The following BPIFB1 variants were observed in gnomAD, a reference collection of about 807,000 sequenced individuals.
BPIFB1 encodes BPI fold-containing family B member 1.
BPIFB1 carries 34 observed loss-of-function variants against 55.1 expected under a neutral mutation model. The ratio of observed to expected loss-of-function variants is 0.62; its 90% CI spans 0.47 to 0.82. The LOEUF (loss-of-function observed/expected upper bound fraction) is 0.82. BPIFB1 is among the 40% of genes least tolerant of loss of function. The probability of loss-of-function intolerance (pLI) is 0.00; values close to 1 mark genes in which losing one functional copy is unlikely to be tolerated. For missense variants in BPIFB1, 532 were observed against 593.1 expected, an observed-to-expected ratio of 0.90 and a Z score of 1.07; for synonymous variants, 236 against 245.3, an observed-to-expected ratio of 0.96 and a Z score of 0.35.
At position 33,286,188 on chromosome 20, in the gene BPIFB1, A is replaced by G. The variant is rs140181326; in HGVS notation, c.115A>G (p.Lys39Glu). 1.1e-4 allele frequency: 182 copies of G among 1,614,140 alleles called. No individual in the cohort carries two copies. The African/African-American group carries it at 2.3e-3, about 20-fold the overall frequency. The change falls in exon 2 of 16, where the codon AAG becomes GAG. Residue 39 changes from lysine to glutamate, a missense_variant and splice_region_variant. Lys to Glu is a moderately conservative substitution (Grantham distance 56, BLOSUM62 1). Coordinates refer to ENST00000253354, the MANE Select transcript of BPIFB1 (RefSeq NM_033197.3). The part of the protein sequence containing the change: ...LILGPKVIKE[K>E]LTQELKDHNA... ...CCTCGGCCCAAAAGTCATCAAAGAA[A>G]GTAAGTTTTGTCCCTCCGGAGCTGG...
intron 11 of BPIFB1, among the ~76,000 whole-genome samples, 196 bp from the exon 12 acceptor site, chr20:33,303,762 T>C (rs182933984): frequency 1.7e-4 from 26 of 152,296 alleles, no homozygotes; most frequent in Admixed American, 1.4e-3. Context: ...TAGACTGTCA[T>C]CTGTTAAATG....
At chr20:33,302,465 C>T in intron 10 of BPIFB1, 53 bp downstream of exon 10, 1 of 1,590,532 alleles carries the variant, frequency 6.3e-7, no homozygotes, top group Non-Finnish European at 8.6e-7. Flanking sequence ...GGTCTGGACA[C>T]AGGCCTCTGG....
chr20:33,295,873 ATTGGG>A (rs1484712199), intron 6 of BPIFB1, among the ~76,000 whole-genome samples: 8 of 135,988 alleles, frequency 5.9e-5, no homozygotes, highest in Non-Finnish European at 9.6e-5. Context: ...AAGGAAGGGG[ATTGGG>A]AAGGGAAGGA....
Position 33,288,836 on chromosome 20 carries a change from C to G in BPIFB1, c.211C>G (p.Pro71Ala). Residue 71 changes from proline to alanine, a missense_variant, in exon 3 of 16, where the codon CCT becomes GCT. Physicochemically the swap from Pro to Ala is conservative, Grantham distance 27. Coordinates refer to ENST00000253354, the MANE Select transcript of BPIFB1 (RefSeq NM_033197.3). ...GCGGGAAAAGCCAGCCGGAGGCATC[C>G]CTGTGCTGGGCAGCCTGGTGAACAC... Reference protein sequence around the residue: ...AMREKPAGGIPVLGSLVNTVL... With the variant: ...AMREKPAGGIAVLGSLVNTVL... The G allele has an allele frequency of 3.1e-6, 5 of 1,613,938 alleles. No homozygotes were observed. The highest frequency in any genetic ancestry group is 4.2e-6 in the Non-Finnish European group (5 of 1,180,014).
In BPIFB1 at chr20:33,288,839, G is replaced by T. The variant is rs761638589; in HGVS notation, c.214G>T (p.Val72Leu). 6 of 1,613,806 alleles carry T rather than the reference G, an allele frequency of 3.7e-6. No individual in the cohort carries two copies. The highest frequency in any genetic ancestry group is 2.5e-6 in the Non-Finnish European group (3 of 1,180,020). ...GGAAAAGCCAGCCGGAGGCATCCCTGTGCTGGGCAGCCTGGTGAACACCGT... is the reference window on the plus strand; with the variant it reads ...GGAAAAGCCAGCCGGAGGCATCCCTTTGCTGGGCAGCCTGGTGAACACCGT... Reference protein sequence around the residue: ...MREKPAGGIPVLGSLVNTVLK... With the variant: ...MREKPAGGIPLLGSLVNTVLK... The change falls in exon 3 of 16, where the codon GTG (valine) becomes TTG (leucine). Residue 72 changes from valine (V) to leucine (L), a missense_variant. By Grantham distance (32) the Val-to-Leu change is conservative. Transcript: ENST00000253354.
chr20:33,306,801 T>A, intron 14 of BPIFB1, 110 bp from the exon 15 acceptor site: 1 of 871,816 alleles, frequency 1.1e-6, no homozygotes, highest in South Asian at 1.4e-5. Context: ...GAGGGGGCTG[T>A]CTGATCAGGC....
chr20:33,285,211 G>A (rs548086246), intron 1 of BPIFB1, among the ~76,000 whole-genome samples: 1 of 152,146 alleles, frequency 6.6e-6, no homozygotes, highest in Non-Finnish European at 1.5e-5. Flanking sequence ...GGAAGAGCAA[G>A]AGCAAAGGCA....
In BPIFB1 at chr20:33,306,031, G is replaced by T; in HGVS notation, c.1284G>T (p.Glu428Asp). 1 of 1,614,098 alleles carries T rather than the reference G, an allele frequency of 6.2e-7. No homozygotes were observed. Among genetic ancestry groups the T allele is most frequent in the African/African-American group, 1.3e-5 (1 of 75,018 alleles). ...QPDVLKNIIT[E>D]IIHSILLPNQ... is the part of the protein sequence containing the mutation. ...ATGTTCTGAAAAACATCATCACTGA[G>T]ATCATCCACTCCATCCTGCTGCCGA... Residue 428 changes from glutamate to aspartate, a missense_variant, in exon 14 of 16, where the codon GAG (glutamate) becomes GAT (aspartate). Glu to Asp is a conservative substitution (Grantham distance 45). Coordinates refer to ENST00000253354, the MANE Select transcript of BPIFB1 (RefSeq NM_033197.3).
rs563812869 is a variant in BPIFB1 at position 33,290,867 on chromosome 20, G to A, written c.366-90G>A. On this transcript the variant is annotated intron_variant, in intron 4 of 15. Transcript: ENST00000253354. The stretch of plus-strand genomic sequence containing the variant: ...ACCAGCAAAGGAGACTGAGGAAGGA[G>A]GTGAGGGCTGGAAGACAGAGACGGA... The A allele has an allele frequency of 6.4e-6, 9 of 1,416,562 alleles. No homozygotes were observed. In the African/African-American group the frequency reaches 1.1e-4, roughly 18 times the overall value. 87.7% of individuals were successfully genotyped at this position (1,416,562 alleles called of 1,614,324 possible). A position where few individuals can be genotyped will look rare whatever the true frequency, so the allele number is the denominator to read the frequency against.
intron 8 of BPIFB1, among the ~76,000 whole-genome samples, chr20:33,300,521 C>T (rs1364462798): frequency 6.6e-6 from 1 of 152,214 alleles, no homozygotes; most frequent in Non-Finnish European, 1.5e-5. Context: ...AGCTGCACAG[C>T]CATGCTGTGG....
chr20:33,300,024 G>A, intron 8 of BPIFB1, 40 bp downstream of exon 8: 1 of 1,561,764 alleles, frequency 6.4e-7, no homozygotes, highest in Non-Finnish European at 8.8e-7. Context: ...TGGGGACATT[G>A]CTGCCCTTCT....
At position 33,309,637 on chromosome 20, in the gene BPIFB1, C is replaced by T; in HGVS notation, c.1396-71C>T. On this transcript the variant is annotated intron_variant, in intron 15 of 15. Transcript: ENST00000253354. This position sits in a 1 kb window ranked among gnomAD's most constrained non-coding sequence, Gnocchi z 4.4. ...GTGCCAGCAGTCACCTTATGGAGGA[C>T]AAAACCAGCATAAACCACAAGGCAA... The T allele has an allele frequency of 1.3e-6, 2 of 1,488,536 alleles. No homozygotes were observed. The highest frequency in any genetic ancestry group is 1.9e-6 in the Non-Finnish European group (2 of 1,066,802). 92.2% of individuals were successfully genotyped at this position (1,488,536 alleles called of 1,614,324 possible). A position where few individuals can be genotyped will look rare whatever the true frequency, so the allele number is the denominator to read the frequency against.
At chr20:33,301,760 C>G (rs771428975) in intron 9 of BPIFB1, among the ~76,000 whole-genome samples, 1 of 152,194 alleles carries the variant, frequency 6.6e-6, no homozygotes, top group Non-Finnish European at 1.5e-5. Context: ...CCACTGCTCA[C>G]CACTATGACA....
intron 6 of BPIFB1, 38 bp downstream of exon 6, chr20:33,292,026 G>T (rs1322369204): frequency 8.2e-6 from 13 of 1,589,572 alleles, no homozygotes; most frequent in Non-Finnish European, 1.1e-5. Context: ...TGTGGGCATT[G>T]CGCCCCCTGT....
At chr20:33,299,379 GAGTAGA>G (rs1404688758) in intron 7 of BPIFB1, among the ~76,000 whole-genome samples, 2 of 152,252 alleles carry the variant, frequency 1.3e-5, no homozygotes, top group Non-Finnish European at 2.9e-5. Flanking sequence ...TTGGATTTCA[GAGTAGA>G]TGTTACCAGG....
At chr20:33,283,635 C>T (rs959431492) in intron 1 of BPIFB1, among the ~76,000 whole-genome samples, 3 of 152,138 alleles carry the variant, frequency 2.0e-5, no homozygotes, top group African/African-American at 7.2e-5. Context: ...CAAGGAAGAC[C>T]CAGGGACATG....
chr20:33,296,552 G>A (rs944203511), intron 6 of BPIFB1, among the ~76,000 whole-genome samples: 12 of 152,168 alleles, frequency 7.9e-5, no homozygotes, highest in African/African-American at 2.7e-4. Context: ...CAGCCTTGGT[G>A]GTACTGACAT....
chr20:33,296,170 G>T (rs1391130236), intron 6 of BPIFB1, among the ~76,000 whole-genome samples: 1 of 152,188 alleles, frequency 6.6e-6, no homozygotes, highest in Admixed American at 6.5e-5. Flanking sequence ...ACTCTACTGT[G>T]TAGCCAGGAT....
At position 33,286,177 on chromosome 20, in the gene BPIFB1, T is replaced by G. The variant is rs780918876; in HGVS notation, c.104T>G (p.Val35Gly). 1.2e-6 allele frequency: 2 copies of G among 1,614,032 alleles called. No homozygotes were observed. Among genetic ancestry groups the G allele is most frequent in the Non-Finnish European group, 1.7e-6 (2 of 1,179,962 alleles). ...GCAGTTCTCATCCTCGGCCCAAAAG[T>G]CATCAAAGAAAGTAAGTTTTGTCCC... ...PTAVLILGPKVIKEKLTQELK... is the reference protein window; with the variant it reads ...PTAVLILGPKGIKEKLTQELK... Residue 35 changes from valine to glycine, a missense_variant, in exon 2 of 16, where the codon GTC (valine) becomes GGC (glycine). By Grantham distance (109) the Val-to-Gly change is moderately radical. Transcript: ENST00000253354.
Sources: gnomAD v4.1 joint callset for allele counts (sites outside exome capture counted in the v4.1 genomes callset) on GRCh38, gnomAD v4.1.1 for gene constraint, Gnocchi (gnomAD v3.1) non-coding constraint, MANE v1.5 for transcripts, NCBI Gene and HGNC (gene_info 2026-07-23, HGNC 2026-07-21) for gene names.